KCNIP1: variants seen among roughly 807,000 people sequenced by gnomAD.
KCNIP1 encodes potassium voltage-gated channel interacting protein 1.
A neutral mutation model predicts 33.0 loss-of-function variants in KCNIP1; 18 were observed. The observed-to-expected ratio is 0.55, with a 90% confidence interval of 0.38 to 0.81. The LOEUF (loss-of-function observed/expected upper bound fraction) is 0.81, where lower values mean the gene tolerates loss of function less well. KCNIP1 is among the 30% of genes least tolerant of loss of function. The pLI is 0.00. For missense variants in KCNIP1, 238 were observed against 271.6 expected, an observed-to-expected ratio of 0.88 and a Z score of 0.87; for synonymous variants, 93 against 98.3, an observed-to-expected ratio of 0.95 and a Z score of 0.32.
intron 1 of KCNIP1, among the ~76,000 whole-genome samples, chr5:170,617,590 C>T (rs1224487266): frequency 2.0e-5 from 3 of 152,198 alleles, no homozygotes; most frequent in Non-Finnish European, 4.4e-5. Flanking sequence ...GCTGGTTCTG[C>T]TCAATTCCCT....
intron 1 of KCNIP1, among the ~76,000 whole-genome samples, chr5:170,703,010 C>T (rs1042157400): frequency 7.2e-6 from 1 of 139,156 alleles, no homozygotes; most frequent in Non-Finnish European, 1.5e-5. Flanking sequence ...TGAAAGTACT[C>T]TGTAAAGTAT....
intron 1 of KCNIP1, among the ~76,000 whole-genome samples, chr5:170,441,298 T>A (rs1012758146): frequency 5.3e-5 from 8 of 152,138 alleles, no homozygotes; most frequent in Non-Finnish European, 7.4e-5. Context: ...GAGAACTTGG[T>A]GCTTTGTAGA....
intron 1 of KCNIP1, among the ~76,000 whole-genome samples, chr5:170,447,422 G>C (rs1756148499): frequency 3.9e-5 from 6 of 152,204 alleles, no homozygotes; most frequent in Admixed American, 3.9e-4. Flanking sequence ...TTGCAGCTAT[G>C]GTGAGCCTAA....
rs1168251076 is a variant in KCNIP1, at chr5:170,504,164, T to G, written c.-409T>G. 1.0e-6 allele frequency: 1 copy of G among 1,003,216 alleles called. No individual in the cohort carries two copies. The highest frequency in any genetic ancestry group is 1.2e-6 in the Non-Finnish European group (1 of 843,056). 62.1% of individuals were successfully genotyped at this position (1,003,216 alleles called of 1,614,324 possible). On this transcript the variant is annotated 5_prime_UTR_variant, in exon 1 of 8. Coordinates refer to ENST00000328939, the MANE Select transcript of KCNIP1 (RefSeq NM_014592.4). The surrounding 1 kb of genome is among the most constrained non-coding windows in gnomAD (Gnocchi z 6.0). Reference sequence around the variant, plus strand: ...CCCGAGCGCAGGGAGGGGAGCCGAGTGTGCGGCAGGAGGGGCGGGCGGACG... The same window carrying G: ...CCCGAGCGCAGGGAGGGGAGCCGAGGGTGCGGCAGGAGGGGCGGGCGGACG...
At chr5:170,551,879 T>C (rs1756652397) in intron 1 of KCNIP1, among the ~76,000 whole-genome samples, 1 of 151,978 alleles carries the variant, frequency 6.6e-6, no homozygotes, top group South Asian at 2.1e-4. Context: ...TGTGTGTGTG[T>C]ATATGAATGT....
intron 1 of KCNIP1, among the ~76,000 whole-genome samples, chr5:170,421,529 G>A (rs1421210723): frequency 3.9e-5 from 6 of 152,154 alleles, no homozygotes; most frequent in Admixed American, 3.9e-4. Context: ...TCTGGTGGGA[G>A]CCTGCTTTCT....
At chr5:170,607,599 T>C (rs1226543157) in intron 1 of KCNIP1, among the ~76,000 whole-genome samples, 4 of 152,192 alleles carry the variant, frequency 2.6e-5, no homozygotes, top group Non-Finnish European at 5.9e-5. Context: ...AAGTTCATGC[T>C]CATTCCAATC....
chr5:170,473,605 C>T (rs1323561102), intron 1 of KCNIP1, among the ~76,000 whole-genome samples: 1 of 152,122 alleles, frequency 6.6e-6, no homozygotes, highest in Non-Finnish European at 1.5e-5. Context: ...GGCTGAGCAC[C>T]AGGGCCCCTG....
intron 1 of KCNIP1, among the ~76,000 whole-genome samples, chr5:170,398,870 A>G (rs373655519): frequency 1.3e-5 from 2 of 152,206 alleles, no homozygotes; most frequent in African/African-American, 4.8e-5. Context: ...GGGCCCTTAG[A>G]GGTCATCTAG....
intron 1 of KCNIP1, among the ~76,000 whole-genome samples, chr5:170,363,400 G>T (rs1311284657): frequency 1.3e-5 from 2 of 152,150 alleles, no homozygotes; most frequent in Non-Finnish European, 2.9e-5. Flanking sequence ...ATAAGGTTGG[G>T]ATCCTAATCC....
rs1171084595 is a variant in KCNIP1, at chr5:170,672,566, TCAG to T, written c.62-46190_62-46188del. On this transcript the variant is annotated intron_variant, in intron 1 of 7. Transcript: ENST00000328939. ...AAAAATATAAGATTAAGCAGTGTAA[TCAG>T]CTGCTGCTGAGAGTTGCAAATGCAA... 3.9e-5 allele frequency among the ~76,000 whole-genome samples: 6 copies of T among 152,390 alleles called. No individual in the cohort carries two copies. In the East Asian group the frequency reaches 1.2e-3, roughly 29 times the overall value.
chr5:170,565,177 G>A (rs1425951747), intron 1 of KCNIP1, among the ~76,000 whole-genome samples: 1 of 151,986 alleles, frequency 6.6e-6, no homozygotes, highest in Non-Finnish European at 1.5e-5. Flanking sequence ...GATTCCCACA[G>A]AGAGAACACA....
chr5:170,661,207 C>A (rs1761470907), intron 1 of KCNIP1, among the ~76,000 whole-genome samples: 1 of 152,170 alleles, frequency 6.6e-6, no homozygotes, highest in Non-Finnish European at 1.5e-5. Context: ...GCTTGAGTTA[C>A]ACATTTGAGG....
At chr5:170,408,374 G>A (rs1258286987) in intron 1 of KCNIP1, among the ~76,000 whole-genome samples, 2 of 152,176 alleles carry the variant, frequency 1.3e-5, no homozygotes, top group African/African-American at 4.8e-5. Context: ...AATCTCCATG[G>A]CTCAGCCAGA....
At chr5:170,632,020 G>A (rs1164424526) in intron 1 of KCNIP1, among the ~76,000 whole-genome samples, 1 of 152,206 alleles carries the variant, frequency 6.6e-6, no homozygotes, top group Non-Finnish European at 1.5e-5. Flanking sequence ...GACAGGGGGA[G>A]CTAAAGGGGC....
chr5:170,496,876 A>G (rs1400135545), intron 1 of KCNIP1, among the ~76,000 whole-genome samples: 2 of 151,750 alleles, frequency 1.3e-5, no homozygotes, highest in Non-Finnish European at 2.9e-5. Flanking sequence ...TCCAGCTCCC[A>G]TCCCTTTCTA....
chr5:170,378,793 A>T, intron 1 of KCNIP1: 1 of 1,614,216 alleles, frequency 6.2e-7, no homozygotes, highest in Non-Finnish European at 8.5e-7. Context: ...AAGGTGGGCC[A>T]GAAGAGGGAG....
chr5:170,452,461 G>A (rs771936355), intron 1 of KCNIP1, among the ~76,000 whole-genome samples: 1 of 152,126 alleles, frequency 6.6e-6, no homozygotes, highest in African/African-American at 2.4e-5. Flanking sequence ...GAGGGCTGGG[G>A]CCTCATAAAT....
chr5:170,461,277 A>T (rs1265556496), intron 1 of KCNIP1, among the ~76,000 whole-genome samples: 1 of 152,124 alleles, frequency 6.6e-6, no homozygotes, highest in African/African-American at 2.4e-5. Flanking sequence ...TCAAAATACT[A>T]CTATCATTCT....
Sources: allele counts gnomAD v4.1 joint callset (sites outside exome capture counted in the v4.1 genomes callset), GRCh38; gene constraint gnomAD v4.1.1; non-coding constraint Gnocchi (gnomAD v3.1); transcripts MANE v1.5; gene names NCBI Gene and HGNC (gene_info 2026-07-23, HGNC 2026-07-21).